MBD5: variants seen among roughly 807,000 people sequenced by gnomAD.
The protein encoded by MBD5 is methyl-CpG binding domain protein 5.
MBD5 carries 13 observed loss-of-function variants against 117.3 expected under a neutral mutation model. That is an observed-to-expected ratio of 0.11 (90% CI 0.07 to 0.18). MBD5 has a LOEUF of 0.18. Ranked by LOEUF, MBD5 falls within the 10% of genes least tolerant of loss-of-function variation. MBD5 has a pLI of 1.00. For synonymous variants in MBD5, 727 were observed against 766.4 expected (o/e 0.95, Z 0.85); for missense variants, 1,879 against 2,093.8 (o/e 0.90, Z 2.00).
intron 1 of MBD5, among the ~76,000 whole-genome samples, chr2:148,105,514 C>T (rs10439198): frequency 0.44 from 66,557 of 151,892 alleles, 14,757 homozygotes; most frequent in South Asian, 0.51. Flanking sequence ...CCACCACGCC[C>T]GGCAAGTTAT....
rs993017817 is a variant in MBD5, at chr2:148,172,136, C to A, written c.-924-6564C>A. 3.9e-5 allele frequency among the ~76,000 whole-genome samples: 6 copies of A among 152,260 alleles called. No homozygotes were observed. The Middle Eastern group carries it at 0.02, about 518-fold the overall frequency. On this transcript the variant is annotated intron_variant, in intron 1 of 13. Coordinates refer to ENST00000642680, the MANE Select transcript of MBD5 (RefSeq NM_001378120.1). Reference sequence around the variant, plus strand: ...ACTGCCCCTGCAAAGAATCCAGCTGCAGGGGGGGAGGTGCAGCCAAAGCTG... The same window carrying A: ...ACTGCCCCTGCAAAGAATCCAGCTGAAGGGGGGGAGGTGCAGCCAAAGCTG...
intron 1 of MBD5, among the ~76,000 whole-genome samples, chr2:148,124,164 C>G (rs893216860): frequency 1.3e-5 from 2 of 152,128 alleles, no homozygotes; most frequent in African/African-American, 2.4e-5. Flanking sequence ...CCTGTAATCC[C>G]AGCTACTTGG....
chr2:148,346,050 A>T (rs1703116184), intron 4 of MBD5: 1 of 151,900 alleles, frequency 6.6e-6, no homozygotes, highest in Admixed American at 6.6e-5. Flanking sequence ...CAGGATTAAT[A>T]ATTTGTATCC....
chr2:148,172,783 G>C (rs1238617713), intron 1 of MBD5, among the ~76,000 whole-genome samples: 1 of 152,096 alleles, frequency 6.6e-6, no homozygotes, highest in Non-Finnish European at 1.5e-5. Context: ...AAAAACTCTG[G>C]ACTCAGTCAG....
rs189514420 is a variant in MBD5, at chr2:148,484,813, G to A, written c.3544+678G>A. Among the ~76,000 whole-genome samples the A allele has an allele frequency of 1.4e-3, 211 of 152,244 alleles. 1 individual carries two copies. The highest frequency in any genetic ancestry group is 4.9e-3 in the African/African-American group (205 of 41,546). ...AGGTATATTTAACTGATGGATATAG[G>A]TAACTATAATATAAAGTGTGGGGAT... On this transcript the variant is annotated intron_variant, in intron 9 of 13. Coordinates refer to ENST00000642680, the MANE Select transcript of MBD5 (RefSeq NM_001378120.1).
intron 13 of MBD5, among the ~76,000 whole-genome samples, chr2:148,511,084 G>A (rs192058541): frequency 6.6e-6 from 1 of 152,246 alleles, no homozygotes; most frequent in Admixed American, 6.5e-5. Flanking sequence ...GGTTGAGGAA[G>A]GGTTGCTCCA....
chr2:148,439,530 A>T (rs888231314), intron 4 of MBD5, among the ~76,000 whole-genome samples: 7 of 152,142 alleles, frequency 4.6e-5, no homozygotes, highest in Admixed American at 3.9e-4. Flanking sequence ...AAGATATTCT[A>T]TACTCCTCAT....
chr2:148,282,511 C>A (rs1362468161), intron 3 of MBD5, among the ~76,000 whole-genome samples: 3 of 148,444 alleles, frequency 2.0e-5, no homozygotes, highest in African/African-American at 7.3e-5. Flanking sequence ...TAAATGAAAT[C>A]TCAAAAACTC....
chr2:148,114,961 C>T (rs1437488020), intron 1 of MBD5, among the ~76,000 whole-genome samples: 1 of 151,810 alleles, frequency 6.6e-6, no homozygotes, highest in Non-Finnish European at 1.5e-5. Context: ...TAGATAACTA[C>T]TGAAGTTTGT....
At chr2:148,100,854 A>G (rs1329777553) in intron 1 of MBD5, among the ~76,000 whole-genome samples, 5 of 152,178 alleles carry the variant, frequency 3.3e-5, no homozygotes, top group African/African-American at 1.2e-4. Context: ...CATACAACTT[A>G]CTTCCCCTCT....
At position 148,463,879 on chromosome 2, in the gene MBD5, A is replaced by T. The variant is rs1457121700; in HGVS notation, c.357A>T (p.Pro119=). 6.2e-7 allele frequency: 1 copy of T among 1,613,714 alleles called. No homozygotes were observed. The highest frequency in any genetic ancestry group is 1.1e-5 in the South Asian group (1 of 91,058). ...CACTTCATAAAAGCATGGAAGCCCC[A>T]CATCCTTCTCTGGTGCTCACCAGTC... ...VATLHKSMEA[P]HPSLVLTSPG... The change falls in exon 7 of 14, where the codon CCA becomes CCT. Residue 119 remains proline, a synonymous_variant. Coordinates refer to ENST00000642680, the MANE Select transcript of MBD5 (RefSeq NM_001378120.1).
At chr2:148,240,456 C>T (rs1700192712) in intron 3 of MBD5, among the ~76,000 whole-genome samples, 1 of 151,900 alleles carries the variant, frequency 6.6e-6, no homozygotes, top group African/African-American at 2.4e-5. Context: ...TGCCATGTTG[C>T]CCAGGCTGGT....
At chr2:148,027,398 A>G (rs1194010755) in intron 1 of MBD5, 1 of 151,982 alleles carries the variant, frequency 6.6e-6, no homozygotes, top group Non-Finnish European at 1.5e-5. Flanking sequence ...CTTTACTTTT[A>G]AGAGAAAAAA....
intron 8 of MBD5, among the ~76,000 whole-genome samples, chr2:148,475,957 T>G (rs983138864): frequency 6.6e-6 from 1 of 152,178 alleles, no homozygotes; most frequent in Non-Finnish European, 1.5e-5. Flanking sequence ...AAAAATTATT[T>G]CTAAGCCTTA....
intron 2 of MBD5, among the ~76,000 whole-genome samples, chr2:148,189,440 C>G (rs1180032066): frequency 1.4e-5 from 2 of 147,340 alleles, no homozygotes; most frequent in Non-Finnish European, 3.0e-5. Context: ...TCAAGTGGGT[C>G]CCTGACCCGT....
intron 1 of MBD5, among the ~76,000 whole-genome samples, chr2:148,067,078 G>T (rs1438572073): frequency 6.6e-6 from 1 of 151,480 alleles, no homozygotes; most frequent in East Asian, 1.9e-4. Flanking sequence ...GGTTAGCTAT[G>T]TCCATTCTGG....
chr2:148,174,079 A>G (rs77865355), intron 1 of MBD5, among the ~76,000 whole-genome samples: 6,755 of 152,252 alleles, frequency 0.044, 159 homozygotes, highest in Middle Eastern at 0.075. Context: ...CTGTAGTGCT[A>G]GCAAAAAAAA....
intron 2 of MBD5, among the ~76,000 whole-genome samples, chr2:148,201,990 C>T (rs1321257409): frequency 6.6e-6 from 1 of 152,100 alleles, no homozygotes; most frequent in Non-Finnish European, 1.5e-5. Flanking sequence ...CAGTCCGGTC[C>T]TTGGATTTAC....
intron 1 of MBD5, among the ~76,000 whole-genome samples, chr2:148,094,882 C>T (rs1308538481): frequency 6.6e-6 from 1 of 152,076 alleles, no homozygotes; most frequent in African/African-American, 2.4e-5. Flanking sequence ...AGTGACTTGA[C>T]TAAGATTCTG....
Sources: gnomAD v4.1 joint callset for allele counts (sites outside exome capture counted in the v4.1 genomes callset) on GRCh38, gnomAD v4.1.1 for gene constraint, MANE v1.5 for transcripts, NCBI Gene and HGNC (gene_info 2026-07-23, HGNC 2026-07-21) for gene names.